Variants in RAB30 observed in about 807,000 individuals in gnomAD.
RAB30 encodes the protein RAB30, member RAS oncogene family, also known as ras-related protein Rab-30.
A neutral mutation model predicts 25.1 loss-of-function variants in RAB30; 9 were observed. That is an observed-to-expected ratio of 0.36 (90% CI 0.22 to 0.63). RAB30 has a LOEUF of 0.63. Ranked by LOEUF, RAB30 falls within the 20% of genes least tolerant of loss-of-function variation. The pLI, the probability that RAB30 is intolerant of heterozygous loss-of-function variation, is 0.69. For synonymous variants in RAB30, 77 were observed against 86.4 expected (o/e 0.89, Z 0.60); for missense variants, 140 against 243.5 (o/e 0.58, Z 2.83).
In RAB30 at chr11:82,974,738, C is replaced by T. The variant is rs1187295965; in HGVS notation, c.*7427G>A. 1.3e-5 allele frequency: 2 copies of T among 151,810 alleles called. No individual in the cohort carries two copies. Among genetic ancestry groups the T allele is most frequent in the African/African-American group, 4.8e-5 (2 of 41,354 alleles). 9.4% of individuals were successfully genotyped at this position (151,810 alleles called of 1,614,324 possible). On this transcript the variant is annotated 3_prime_UTR_variant, in exon 5 of 5. Coordinates refer to ENST00000527633, the MANE Select transcript of RAB30 (RefSeq NM_001286060.2). ...GGGGGAGATCAAGGATTCTCTAAGT[C>T]TTCATAAAGCAGCTTCTCTAAATAT...
chr11:82,992,372 G>A, intron 3 of RAB30: 1 of 456,222 alleles, frequency 2.2e-6, no homozygotes, highest in Middle Eastern at 3.3e-4. Context: ...TGGTGTGGAT[G>A]TCTCTGCAGT....
At position 82,980,406 on chromosome 11, in the gene RAB30, G is replaced by GAT. The variant is rs1363335660; in HGVS notation, c.*1758_*1759insAT. On this transcript the variant is annotated 3_prime_UTR_variant, in exon 5 of 5. Coordinates refer to ENST00000527633, the MANE Select transcript of RAB30 (RefSeq NM_001286060.2). ...CATGTGCAAGACACTGGTCAATCTA[G>GAT]AACCTGCTAGAGAAATGCCAGAAAT... 2 of 152,144 alleles carry GAT rather than the reference G, an allele frequency of 1.3e-5. No homozygotes were observed. The highest frequency in any genetic ancestry group is 2.9e-5 in the Non-Finnish European group (2 of 68,030). 9.4% of individuals were successfully genotyped at this position (152,144 alleles called of 1,614,324 possible).
Position 82,976,472 on chromosome 11 carries a change from T to G in RAB30, c.*5693A>C, listed in dbSNP as rs1856547824. On this transcript the variant is annotated 3_prime_UTR_variant, in exon 5 of 5. Transcript: ENST00000527633. Reference sequence around the variant, plus strand: ...ACTAGTGTTTCCCCTTCTATATAACTCCCCACATCACTCTCCAAAGTGTCA... The same window carrying G: ...ACTAGTGTTTCCCCTTCTATATAACGCCCCACATCACTCTCCAAAGTGTCA... 1 of 151,960 alleles carries G rather than the reference T, an allele frequency of 6.6e-6. No homozygotes were observed. Among genetic ancestry groups the G allele is most frequent in the Admixed American group, 6.6e-5 (1 of 15,258 alleles). 9.4% of individuals were successfully genotyped at this position (151,960 alleles called of 1,614,324 possible). A position where few individuals can be genotyped will look rare whatever the true frequency, so the allele number is the denominator to read the frequency against.
chr11:82,988,293 C>T (rs1336121543), intron 3 of RAB30, among the ~76,000 whole-genome samples: 1 of 152,172 alleles, frequency 6.6e-6, no homozygotes, highest in Non-Finnish European at 1.5e-5. Flanking sequence ...CGTTCTTACT[C>T]ACAATGCCAT....
rs1280107790 is a variant in RAB30 at position 82,977,708 on chromosome 11, T to C, written c.*4457A>G. On this transcript the variant is annotated 3_prime_UTR_variant, in exon 5 of 5. Coordinates refer to ENST00000527633, the MANE Select transcript of RAB30 (RefSeq NM_001286060.2). ...TAAGTCTCCCCAAATCCTTCAAGTA[T>C]TCTTTAAATGGCTTGCATTTAAAAT... 1 of 152,164 alleles carries C rather than the reference T, an allele frequency of 6.6e-6. No homozygotes were observed. The highest frequency in any genetic ancestry group is 2.4e-5 in the African/African-American group (1 of 41,430). 9.4% of individuals were successfully genotyped at this position (152,164 alleles called of 1,614,324 possible).
chr11:83,049,101 C>G (rs1590874857), intron 1 of RAB30, among the ~76,000 whole-genome samples: 1 of 152,304 alleles, frequency 6.6e-6, no homozygotes, highest in South Asian at 2.1e-4. Context: ...AAAGTCCTTG[C>G]AAACTATTTA....
intron 3 of RAB30, among the ~76,000 whole-genome samples, chr11:82,988,738 A>C (rs552534237): frequency 1.3e-5 from 2 of 152,288 alleles, no homozygotes; most frequent in East Asian, 3.9e-4. Flanking sequence ...AGAACAAAAC[A>C]CAAGGCCTTG....
intron 1 of RAB30, among the ~76,000 whole-genome samples, chr11:83,043,938 A>G (rs1033495045): frequency 6.6e-6 from 1 of 152,166 alleles, no homozygotes; most frequent in Non-Finnish European, 1.5e-5. Context: ...GCAGTAAACC[A>G]GGGTTATATT....
intron 1 of RAB30, among the ~76,000 whole-genome samples, chr11:83,005,739 G>A (rs1857170632): frequency 6.6e-6 from 1 of 151,916 alleles, no homozygotes. Context: ...AAAAGGCTGA[G>A]AAATTTCACT....
chr11:83,056,147 TG>T (rs2121519385), intron 1 of RAB30, among the ~76,000 whole-genome samples: 1 of 152,334 alleles, frequency 6.6e-6, no homozygotes, highest in South Asian at 2.1e-4. Context: ...CTTCTAAAAC[TG>T]AAACTCTACA....
rs557788656 is a variant in RAB30 at position 82,982,076 on chromosome 11, C to T, written c.*89G>A. ...CCACAGGAGTCAGAAGGTCAGAGAGCGGGAGCCACAGTCATCGCCAGATCT... is the reference window on the plus strand; with the variant it reads ...CCACAGGAGTCAGAAGGTCAGAGAGTGGGAGCCACAGTCATCGCCAGATCT... On this transcript the variant is annotated 3_prime_UTR_variant, in exon 5 of 5. Coordinates refer to ENST00000527633, the MANE Select transcript of RAB30 (RefSeq NM_001286060.2). The T allele has an allele frequency of 2.5e-5, 38 of 1,545,686 alleles. No individual in the cohort carries two copies. The Middle Eastern group carries it at 5.3e-4, about 21-fold the overall frequency.
At chr11:83,025,800 A>C (rs1178804756) in intron 1 of RAB30, among the ~76,000 whole-genome samples, 1 of 151,876 alleles carries the variant, frequency 6.6e-6, no homozygotes, top group Non-Finnish European at 1.5e-5. Context: ...ATAAGGAAAA[A>C]CTCCTCTTTG....
Position 82,979,336 on chromosome 11 carries a change from A to C in RAB30, c.*2829T>G, listed in dbSNP as rs1175235487. ...CACACCAAAAATGGAGGAATACATC[A>C]ACCCTGGTGGTCTTAGTAGACCGAG... On this transcript the variant is annotated 3_prime_UTR_variant, in exon 5 of 5. Coordinates refer to ENST00000527633, the MANE Select transcript of RAB30 (RefSeq NM_001286060.2). 6.6e-6 allele frequency: 1 copy of C among 152,214 alleles called. No individual in the cohort carries two copies. The highest frequency in any genetic ancestry group is 1.5e-5 in the Non-Finnish European group (1 of 68,038). 9.4% of individuals were successfully genotyped at this position (152,214 alleles called of 1,614,324 possible). A position where few individuals can be genotyped will look rare whatever the true frequency, so the allele number is the denominator to read the frequency against.
intron 1 of RAB30, among the ~76,000 whole-genome samples, chr11:83,047,125 C>T (rs560817851): frequency 6.6e-6 from 1 of 152,276 alleles, no homozygotes; most frequent in South Asian, 2.1e-4. Context: ...AAATCCTCTA[C>T]CAAGGGGGCA....
intron 2 of RAB30, among the ~76,000 whole-genome samples, chr11:82,996,727 A>G (rs554309561): frequency 1.2e-4 from 19 of 152,328 alleles, no homozygotes; most frequent in African/African-American, 4.3e-4. Flanking sequence ...TTCCTACTGA[A>G]GAGGTTTAGA....
chr11:83,008,025 G>T (rs1857222785), intron 1 of RAB30, among the ~76,000 whole-genome samples: 1 of 152,200 alleles, frequency 6.6e-6, no homozygotes, highest in African/African-American at 2.4e-5. Flanking sequence ...CTTCCCCCTT[G>T]TATTCTCTAA....
intron 1 of RAB30, among the ~76,000 whole-genome samples, chr11:83,030,290 A>C (rs1857823930): frequency 6.6e-6 from 1 of 151,648 alleles, no homozygotes; most frequent in Non-Finnish European, 1.5e-5. Context: ...TGAGACCAGG[A>C]GTTCAAGAGC....
At chr11:83,023,988 A>T (rs1857650018) in intron 1 of RAB30, among the ~76,000 whole-genome samples, 2 of 152,192 alleles carry the variant, frequency 1.3e-5, no homozygotes, top group Admixed American at 1.3e-4. Context: ...TAATCCGTGC[A>T]GTTACCCCAC....
At chr11:82,987,236 T>G (rs1251765407) in intron 4 of RAB30, 1 of 161,514 alleles carries the variant, frequency 6.2e-6, no homozygotes, top group Non-Finnish European at 1.3e-5. Flanking sequence ...GCTTCAATAA[T>G]GAATTCCATA....
Sources: gnomAD v4.1 joint callset for allele counts (sites outside exome capture counted in the v4.1 genomes callset) on GRCh38, gnomAD v4.1.1 for gene constraint, MANE v1.5 for transcripts, NCBI Gene and HGNC (gene_info 2026-07-23, HGNC 2026-07-21) for gene names.